Variants in ATRNL1 observed in about 807,000 individuals in gnomAD.
ATRNL1 encodes attractin like 1, also known as attractin-like protein 1.
Under a neutral mutation model 182.7 loss-of-function variants are expected in ATRNL1, and 95 were observed. The ratio of observed to expected loss-of-function variants is 0.52; its 90% confidence interval spans 0.44 to 0.62. The LOEUF (loss-of-function observed/expected upper bound fraction) is 0.62. Ranked by LOEUF, ATRNL1 falls within the 20% of genes least tolerant of loss-of-function variation. The probability of loss-of-function intolerance (pLI) is 0.00; values close to 1 mark genes in which losing one functional copy is unlikely to be tolerated. For missense variants in ATRNL1, 1,471 were observed against 1,679.5 expected (o/e 0.88, Z 2.17); for synonymous variants, 576 against 568.3 (o/e 1.01, Z -0.19).
At chr10:115,299,497 G>A (rs1225631058) in intron 15 of ATRNL1, among the ~76,000 whole-genome samples, 1 of 152,078 alleles carries the variant, frequency 6.6e-6, no homozygotes, top group African/African-American at 2.4e-5. Context: ...GTAGACGTCT[G>A]AGCTAAGAGA....
chr10:115,641,253 A>G (rs1859228488), intron 26 of ATRNL1, among the ~76,000 whole-genome samples: 1 of 152,190 alleles, frequency 6.6e-6, no homozygotes, highest in Admixed American at 6.6e-5. Context: ...TTGCCTATGG[A>G]ATAATTATAG....
At chr10:115,208,866 G>T (rs1168736907) in intron 8 of ATRNL1, among the ~76,000 whole-genome samples, 3 of 151,730 alleles carry the variant, frequency 2.0e-5, no homozygotes, top group Non-Finnish European at 4.4e-5. Context: ...AAGTTCTAGG[G>T]TACGTGATTT....
chr10:115,540,077 A>G (rs1226461669), intron 25 of ATRNL1, among the ~76,000 whole-genome samples: 2 of 151,996 alleles, frequency 1.3e-5, no homozygotes, highest in Non-Finnish European at 2.9e-5. Context: ...ACGTATACAT[A>G]TGTAACAAAC....
intron 21 of ATRNL1, among the ~76,000 whole-genome samples, chr10:115,451,651 C>T (rs1195135216): frequency 6.6e-6 from 1 of 152,098 alleles, no homozygotes; most frequent in Non-Finnish European, 1.5e-5. Context: ...AGCACTCATA[C>T]ACTGTTGGTG....
intron 26 of ATRNL1, among the ~76,000 whole-genome samples, chr10:115,620,520 A>C (rs567083045): frequency 3.3e-5 from 5 of 152,332 alleles, no homozygotes; most frequent in South Asian, 2.1e-4. Context: ...CTGTCTGGCC[A>C]TTAAACCCAG....
At chr10:115,662,827 A>G (rs1555038486) in intron 26 of ATRNL1, among the ~76,000 whole-genome samples, 1 of 152,144 alleles carries the variant, frequency 6.6e-6, no homozygotes, top group East Asian at 1.9e-4. Flanking sequence ...TTTACTTAAA[A>G]TCATAATAAT....
At chr10:115,426,350 AG>A in intron 21 of ATRNL1, 48 bp downstream of exon 21, 2 of 1,358,130 alleles carry the variant, frequency 1.5e-6, no homozygotes, top group Non-Finnish European at 2.1e-6. Flanking sequence ...GCATACTATT[AG>A]TTTCAAATAA....
intron 4 of ATRNL1, among the ~76,000 whole-genome samples, chr10:115,128,661 C>T (rs1554874215): frequency 6.6e-6 from 1 of 152,000 alleles, no homozygotes; most frequent in Non-Finnish European, 1.5e-5. Flanking sequence ...CCTGTCTCTA[C>T]TAAAAATACA....
chr10:115,730,686 A>G (rs527301319), intron 27 of ATRNL1, among the ~76,000 whole-genome samples: 1 of 152,244 alleles, frequency 6.6e-6, no homozygotes, highest in South Asian at 2.1e-4. Flanking sequence ...ATCTGCTTTT[A>G]TAGCTATGGG....
At chr10:115,510,279 A>G (rs1490979663) in intron 24 of ATRNL1, among the ~76,000 whole-genome samples, 1 of 152,086 alleles carries the variant, frequency 6.6e-6, no homozygotes. Context: ...ATTGACTCCA[A>G]TTGCAAAAGT....
chr10:115,902,960 T>G (rs1952399381), intron 28 of ATRNL1, among the ~76,000 whole-genome samples: 2 of 152,192 alleles, frequency 1.3e-5, no homozygotes, highest in African/African-American at 4.8e-5. Context: ...AGCTGATCTT[T>G]TGACACATCT....
At chr10:115,888,539 A>C (rs1336527951) in intron 28 of ATRNL1, among the ~76,000 whole-genome samples, 1 of 152,194 alleles carries the variant, frequency 6.6e-6, no homozygotes, top group Non-Finnish European at 1.5e-5. Flanking sequence ...CTGTCTTTCA[A>C]GATTGAATTA....
At chr10:115,833,621 T>G (rs1454083246) in intron 27 of ATRNL1, among the ~76,000 whole-genome samples, 3 of 152,238 alleles carry the variant, frequency 2.0e-5, no homozygotes, top group African/African-American at 7.2e-5. Flanking sequence ...AAATGCTTTG[T>G]AAGTATCAAT....
At chr10:115,501,396 T>C (rs1723443828) in intron 24 of ATRNL1, among the ~76,000 whole-genome samples, 2 of 152,184 alleles carry the variant, frequency 1.3e-5, no homozygotes, top group South Asian at 4.1e-4. Flanking sequence ...ATGAACCCTG[T>C]TACAGGGACT....
intron 26 of ATRNL1, among the ~76,000 whole-genome samples, chr10:115,715,820 G>T (rs1021468410): frequency 6.6e-6 from 1 of 152,134 alleles, no homozygotes; most frequent in Admixed American, 6.5e-5. Context: ...GTATTCAAGG[G>T]TCCTAGATGA....
At chr10:115,751,867 A>G (rs1286938814) in intron 27 of ATRNL1, among the ~76,000 whole-genome samples, 4 of 152,050 alleles carry the variant, frequency 2.6e-5, no homozygotes, top group African/African-American at 9.7e-5. Flanking sequence ...ATAAAATGAT[A>G]AACTAAAAAG....
chr10:115,884,779 G>A (rs1951904355), intron 28 of ATRNL1, among the ~76,000 whole-genome samples: 1 of 152,194 alleles, frequency 6.6e-6, no homozygotes, highest in South Asian at 2.1e-4. Flanking sequence ...CCTGGGAATA[G>A]TGAATAATTG....
chr10:115,483,952 G>A (rs11197238), intron 24 of ATRNL1, among the ~76,000 whole-genome samples: 2,116 of 151,518 alleles, frequency 0.014, 53 homozygotes, highest in East Asian at 0.088. Context: ...GCAGAGAGAG[G>A]GCCACTACTC....
chr10:115,338,914 G>A (rs781905771), intron 19 of ATRNL1, among the ~76,000 whole-genome samples: 2 of 152,160 alleles, frequency 1.3e-5, no homozygotes, highest in Non-Finnish European at 2.9e-5. Context: ...GCAAGAGATA[G>A]GCTCTAGTTT....
Sources: allele counts gnomAD v4.1 joint callset (sites outside exome capture counted in the v4.1 genomes callset), GRCh38; gene constraint gnomAD v4.1.1; transcripts MANE v1.5; gene names NCBI Gene and HGNC (gene_info 2026-07-23, HGNC 2026-07-21).